The following PLD5 variants were observed in gnomAD, a reference collection of about 807,000 sequenced individuals.
PLD5 encodes the protein inactive phospholipase D5.
In PLD5, 36 loss-of-function variants were observed where a neutral mutation model predicts 61.1. That is an observed-to-expected ratio of 0.59 (90% CI 0.45 to 0.78). The LOEUF is 0.78. Ranked by LOEUF, PLD5 falls within the 30% of genes least tolerant of loss-of-function variation. The pLI, the probability that PLD5 is intolerant of heterozygous loss-of-function variation, is 0.00. For missense variants in PLD5, 515 were observed against 644.4 expected (o/e 0.80, Z 2.17); for synonymous variants, 243 against 242.8 (o/e 1.00, Z -0.01).
At chr1:242,115,235 A>G (rs1661849548) in intron 6 of PLD5, among the ~76,000 whole-genome samples, 1 of 152,172 alleles carries the variant, frequency 6.6e-6, no homozygotes, top group Admixed American at 6.5e-5. Context: ...ATGCCCTTCA[A>G]TCATCCTGAA....
Position 242,106,733 on chromosome 1 carries a change from C to G in PLD5, c.1239+938G>C, listed in dbSNP as rs57356315. On this transcript the variant is annotated intron_variant, in intron 8 of 9. Transcript: ENST00000536534. ...TTGCGGAGCCCTTGATACCCTGGGTCCCTAAATGCTGCAAGGAATGCAGCT... is the reference window on the plus strand; with the variant it reads ...TTGCGGAGCCCTTGATACCCTGGGTGCCTAAATGCTGCAAGGAATGCAGCT... Among the ~76,000 whole-genome samples the G allele has an allele frequency of 8.8e-3, 1,338 of 152,308 alleles. 24 individuals are homozygous for G. Among genetic ancestry groups the G allele is most frequent in the African/African-American group, 0.028 (1,183 of 41,572 alleles).
At chr1:242,221,525 T>C (rs915103118) in intron 4 of PLD5, among the ~76,000 whole-genome samples, 5 of 152,158 alleles carry the variant, frequency 3.3e-5, no homozygotes, top group African/African-American at 9.7e-5. Context: ...AAACAATGCA[T>C]CTAGCTTCCT....
At chr1:242,237,406 G>A (rs528291496) in intron 4 of PLD5, among the ~76,000 whole-genome samples, 1 of 152,246 alleles carries the variant, frequency 6.6e-6, no homozygotes, top group African/African-American at 2.4e-5. Flanking sequence ...CTCCAAATCT[G>A]TCCTTCAATA....
At chr1:242,487,968 C>T (rs1668018347) in intron 1 of PLD5, among the ~76,000 whole-genome samples, 1 of 151,906 alleles carries the variant, frequency 6.6e-6, no homozygotes. Flanking sequence ...GCTAAATTTA[C>T]TTAATAGTAG....
rs1469194910 is a variant in PLD5 at position 242,326,245 on chromosome 1, G to T, written c.326+21861C>A. ...CCACTTTTTCAAAAGCATTTGCTGG[G>T]AAGGGCTTTGACTGGTTTCTGAAAG... On this transcript the variant is annotated intron_variant, in intron 2 of 9. Transcript: ENST00000536534. Among the ~76,000 whole-genome samples the T allele has an allele frequency of 2.0e-5, 3 of 152,150 alleles. No homozygotes were observed. The East Asian group carries it at 5.8e-4, about 29-fold the overall frequency.
At chr1:242,176,402 T>C (rs1667148970) in intron 5 of PLD5, among the ~76,000 whole-genome samples, 1 of 152,108 alleles carries the variant, frequency 6.6e-6, no homozygotes, top group African/African-American at 2.4e-5. Flanking sequence ...ACTGACGCTG[T>C]ACCCCTTCCT....
At chr1:242,349,564 T>C (rs1660356972) in intron 1 of PLD5, among the ~76,000 whole-genome samples, 1 of 152,192 alleles carries the variant, frequency 6.6e-6, no homozygotes, top group African/African-American at 2.4e-5. Flanking sequence ...ACTCTTGATA[T>C]GATTTTCACT....
chr1:242,297,728 C>T (rs34199786), intron 2 of PLD5, among the ~76,000 whole-genome samples: 131,336 of 148,020 alleles, frequency 0.89, 58,431 homozygotes, highest in East Asian at 0.94. Flanking sequence ...CAAGCTCCGC[C>T]TCCCGGGTTC....
chr1:242,434,753 A>G (rs1466380208), intron 1 of PLD5, among the ~76,000 whole-genome samples: 1 of 152,130 alleles, frequency 6.6e-6, no homozygotes, highest in Admixed American at 6.5e-5. Flanking sequence ...AGCTGGGACT[A>G]CAGGCACCCG....
chr1:242,243,893 T>C (rs12083159), intron 4 of PLD5, among the ~76,000 whole-genome samples: 36,186 of 152,110 alleles, frequency 0.24, 4,568 homozygotes, highest in Middle Eastern at 0.33. Flanking sequence ...ATGTACTTTT[T>C]AGATTGTAAA....
intron 1 of PLD5, among the ~76,000 whole-genome samples, chr1:242,482,522 GAAAC>G (rs1310620798): frequency 7.9e-5 from 12 of 152,250 alleles, no homozygotes; most frequent in African/African-American, 2.4e-4. Flanking sequence ...AGAATAAAAA[GAAAC>G]AAACAAAGCC....
At chr1:242,373,436 A>C (rs111894392) in intron 1 of PLD5, among the ~76,000 whole-genome samples, 1,841 of 152,310 alleles carry the variant, frequency 0.012, 34 homozygotes, top group African/African-American at 0.041. Flanking sequence ...TTGACCCAGC[A>C]ATCCCATTAC....
rs1558526124 is a variant in PLD5, at chr1:242,394,406, ATATATGAGTATATATGTGTG to A, written c.190-46184_190-46165del. 3.4e-3 allele frequency among the ~76,000 whole-genome samples: 161 copies of A among 47,574 alleles called. 16 individuals carry two copies. Among genetic ancestry groups the A allele is most frequent in the East Asian group, 9.9e-3 (23 of 2,312 alleles). 31.2% of individuals were successfully genotyped at this position (47,574 alleles called of 152,430 possible). ...TGTATATATGAGTATATATGTGTGT[ATATATGAGTATATATGTGTG>A]TATATGAGTATATATGTGTGTATAT... is the stretch of plus-strand genomic sequence containing the variant. On this transcript the variant is annotated intron_variant, in intron 1 of 9. Transcript: ENST00000536534.
At chr1:242,407,907 G>A (rs1025381445) in intron 1 of PLD5, among the ~76,000 whole-genome samples, 3 of 146,288 alleles carry the variant, frequency 2.1e-5, no homozygotes, top group Non-Finnish European at 4.5e-5. Flanking sequence ...CAAAAGGGAA[G>A]CAAAGAATAC....
chr1:242,410,023 C>A (rs959577174), intron 1 of PLD5, among the ~76,000 whole-genome samples: 1 of 152,274 alleles, frequency 6.6e-6, no homozygotes, highest in South Asian at 2.1e-4. Context: ...CCCAAGGACC[C>A]CTTTTCCCCT....
intron 4 of PLD5, among the ~76,000 whole-genome samples, chr1:242,257,391 G>A (rs1319652501): frequency 2.6e-5 from 4 of 152,170 alleles, no homozygotes; most frequent in Non-Finnish European, 5.9e-5. Context: ...CTGAAAGCTT[G>A]CAACACCAGC....
chr1:242,439,429 G>A (rs571633570), intron 1 of PLD5, among the ~76,000 whole-genome samples: 2 of 152,282 alleles, frequency 1.3e-5, no homozygotes, highest in African/African-American at 4.8e-5. Context: ...GGCCTGGAAG[G>A]AGCCCACATC....
chr1:242,114,667 T>C (rs569966053), intron 6 of PLD5, among the ~76,000 whole-genome samples: 3 of 152,270 alleles, frequency 2.0e-5, no homozygotes, highest in East Asian at 3.9e-4. Flanking sequence ...TAGATTCTCA[T>C]AGGGGCGTGA....
chr1:242,129,664 TAAG>T (rs967583127), intron 5 of PLD5, among the ~76,000 whole-genome samples: 15 of 152,202 alleles, frequency 9.9e-5, no homozygotes, highest in Non-Finnish European at 1.6e-4. Context: ...AAAATGAACT[TAAG>T]GAGTACAAGG....
Sources: gnomAD v4.1 joint callset for allele counts (sites outside exome capture counted in the v4.1 genomes callset) on GRCh38, gnomAD v4.1.1 for gene constraint, MANE v1.5 for transcripts, NCBI Gene and HGNC (gene_info 2026-07-23, HGNC 2026-07-21) for gene names.